KNCN: variants seen among roughly 807,000 people sequenced by gnomAD.
KNCN encodes the protein kinocilin.
KNCN carries 11 observed loss-of-function variants against 10.4 expected under a neutral mutation model. The observed-to-expected ratio is 1.06, with a 90% CI of 0.67 to 1.75. The LOEUF (loss-of-function observed/expected upper bound fraction) is 1.75, where lower values mean the gene tolerates loss of function less well. Ranked by LOEUF, KNCN falls within the 40% of genes most tolerant of loss-of-function variation. The pLI is 0.00. For synonymous variants in KNCN, 67 were observed against 71.6 expected, an observed-to-expected ratio of 0.94 and a Z score of 0.33; for missense variants, 172 against 167.1, an observed-to-expected ratio of 1.03 and a Z score of -0.16.
intron 3 of KNCN, 34 bp from the exon 4 acceptor site, chr1:46,547,843 G>A (rs896399400): frequency 3.7e-5 from 52 of 1,405,760 alleles, no homozygotes; most frequent in Non-Finnish European, 4.4e-5. Context: ...GACTGCCTCC[G>A]TAGACAGGTC....
chr1:46,550,513 C>T (rs1417855275), intron 1 of KNCN, among the ~76,000 whole-genome samples: 1 of 147,562 alleles, frequency 6.8e-6, no homozygotes, highest in South Asian at 2.3e-4. Context: ...TCTGGTCCTG[C>T]CTTTGGCCTG....
At chr1:46,549,458 G>A (rs1217159339) in intron 2 of KNCN, among the ~76,000 whole-genome samples, 191 bp from the exon 3 acceptor site, 1 of 152,142 alleles carries the variant, frequency 6.6e-6, no homozygotes, top group Non-Finnish European at 1.5e-5. Flanking sequence ...GCCCTTGAAG[G>A]AGAAAATGGC....
rs141637893 is a variant in KNCN, at chr1:46,545,923, T to C, written c.*1807A>G. On this transcript the variant is annotated 3_prime_UTR_variant, in exon 4 of 4. Transcript: ENST00000481882. ...GAGGAGGGACCAGCAGCCTGAGATATTGTTGATGATAATGAAGGAAAGGAG... is the reference window on the plus strand; with the variant it reads ...GAGGAGGGACCAGCAGCCTGAGATACTGTTGATGATAATGAAGGAAAGGAG... The C allele has an allele frequency of 1.3e-5, 2 of 152,284 alleles. No individual in the cohort carries two copies. Among genetic ancestry groups the C allele is most frequent in the Non-Finnish European group, 2.9e-5 (2 of 68,076 alleles). The allele number at this position is 152,284 out of a possible 1,614,324, so 9.4% of individuals were successfully genotyped here. A position where few individuals can be genotyped will look rare whatever the true frequency, so the allele number is the denominator to read the frequency against.
At position 46,551,221 on chromosome 1, in the gene KNCN, C is replaced by G; in HGVS notation, c.-6G>C. The G allele has an allele frequency of 6.2e-7, 1 of 1,604,178 alleles. No individual in the cohort carries two copies. The highest frequency in any genetic ancestry group is 8.5e-7 in the Non-Finnish European group (1 of 1,175,980). On this transcript the variant is annotated 5_prime_UTR_variant, in exon 1 of 4. Transcript: ENST00000481882. This position sits in a 1 kb window ranked among gnomAD's most constrained non-coding sequence, Gnocchi z 4.0. ...CTGCTGATGGGGATGTCCATGCAGG[C>G]CCACCCGGGGCACTGCCTCCAGCCG...
Position 46,551,197 on chromosome 1 carries a change from T to C in KNCN, c.19A>G (p.Ser7Gly), listed in dbSNP as rs769573450. 6.2e-7 allele frequency: 1 copy of C among 1,609,506 alleles called. No individual in the cohort carries two copies. Among genetic ancestry groups the C allele is most frequent in the East Asian group, 2.3e-5 (1 of 44,374 alleles). Residue 7 changes from serine (S) to glycine (G), a missense_variant, in exon 1 of 4, where the codon AGC becomes GGC. Transcript: ENST00000481882. The surrounding 1 kb of genome is among the most constrained non-coding windows in gnomAD (Gnocchi z 4.0). The part of the protein sequence containing the change: MDIPIS[S>G]RDFRGLQLAC... ...AGCTGCAGGCCGCGGAAGTCTCTGCTGCTGATGGGGATGTCCATGCAGGCC... is the reference window on the plus strand; with the variant it reads ...AGCTGCAGGCCGCGGAAGTCTCTGCCGCTGATGGGGATGTCCATGCAGGCC...
At chr1:46,548,601 G>A (rs781285136) in intron 3 of KNCN, among the ~76,000 whole-genome samples, 9 of 152,168 alleles carry the variant, frequency 5.9e-5, no homozygotes, top group Non-Finnish European at 1.2e-4. Flanking sequence ...ATAGGACCTG[G>A]GGGAGGGGAA....
Position 46,551,024 on chromosome 1 carries a change from C to G in KNCN, c.151+41G>C. ...CCTGACGATGCCCCTGCCCCCACCT[C>G]CAGAATCTCCCTTCCCTATCCCAGC... On this transcript the variant is annotated intron_variant, in intron 1 of 3. Coordinates refer to ENST00000481882, the MANE Select transcript of KNCN (RefSeq NM_001322255.2). The surrounding 1 kb of genome is among the most constrained non-coding windows in gnomAD (Gnocchi z 4.0). The G allele has an allele frequency of 2.6e-6, 4 of 1,531,162 alleles. 1 individual carries two copies. The highest frequency in any genetic ancestry group is 3.5e-6 in the Non-Finnish European group (4 of 1,136,092). 94.8% of individuals were successfully genotyped at this position (1,531,162 alleles called of 1,614,324 possible).
At chr1:46,549,374 G>T in intron 2 of KNCN, 107 bp from the exon 3 acceptor site, 1 of 741,556 alleles carries the variant, frequency 1.3e-6, no homozygotes, top group Non-Finnish European at 2.2e-6. Flanking sequence ...CATCCCTGAT[G>T]CTGTCTTTGC....
intron 3 of KNCN, 130 bp from the exon 4 acceptor site, chr1:46,547,939 T>C: frequency 1.7e-6 from 1 of 597,552 alleles, no homozygotes; most frequent in Non-Finnish European, 2.9e-6. Context: ...TGGGATAGAA[T>C]GGGGAGAGGG....
chr1:46,550,185 TGGG>T (rs1667036006), intron 1 of KNCN, among the ~76,000 whole-genome samples, 183 bp from the exon 2 acceptor site: 1 of 152,014 alleles, frequency 6.6e-6, no homozygotes, highest in Admixed American at 6.5e-5. Flanking sequence ...TCTGGGTTGG[TGGG>T]GGCAGTGCCT....
At chr1:46,550,694 CAG>C (rs1177724107) in intron 1 of KNCN, among the ~76,000 whole-genome samples, 5 of 152,150 alleles carry the variant, frequency 3.3e-5, no homozygotes, top group South Asian at 2.1e-4. Flanking sequence ...TGTCTTGGCT[CAG>C]AGAGTCCTCA....
intron 1 of KNCN, 56 bp from the exon 2 acceptor site, chr1:46,550,058 C>T (rs1667033886): frequency 6.5e-7 from 1 of 1,549,670 alleles, no homozygotes; most frequent in African/African-American, 1.4e-5. Context: ...AGTGTTGAGG[C>T]TGTGGGTGGG....
chr1:46,548,679 C>T (rs908446777), intron 3 of KNCN, among the ~76,000 whole-genome samples: 1 of 152,152 alleles, frequency 6.6e-6, no homozygotes, highest in Non-Finnish European at 1.5e-5. Flanking sequence ...GACAGAAGCC[C>T]TCAGAGTAAG....
rs755766815 is a variant in KNCN, at chr1:46,551,261, C to T, written c.-46G>A. The T allele has an allele frequency of 1.3e-6, 2 of 1,565,802 alleles. No individual in the cohort carries two copies. Among genetic ancestry groups the T allele is most frequent in the Non-Finnish European group, 1.7e-6 (2 of 1,162,646 alleles). ...GCCTCCAGCCGGTGCAGTCTGGCCC[C>T]AGAAAAGTCCTGGAAGTTTCTGGGC... On this transcript the variant is annotated 5_prime_UTR_variant, in exon 1 of 4. Transcript: ENST00000481882. This position sits in a 1 kb window ranked among gnomAD's most constrained non-coding sequence, Gnocchi z 4.0.
intron 2 of KNCN, chr1:46,549,715 A>G: frequency 1.3e-6 from 1 of 743,958 alleles, no homozygotes; most frequent in Non-Finnish European, 2.2e-6. Context: ...CCCAGCTCTG[A>G]GCTGGTTCAG....
intron 2 of KNCN, among the ~76,000 whole-genome samples, 180 bp from the exon 3 acceptor site, chr1:46,549,447 G>C (rs1667021422): frequency 6.6e-6 from 1 of 152,120 alleles, no homozygotes; most frequent in South Asian, 2.1e-4. Context: ...AAAAGAACTG[G>C]GCCCTTGAAG....
At chr1:46,547,979 T>C (rs1449368614) in intron 3 of KNCN, among the ~76,000 whole-genome samples, 170 bp from the exon 4 acceptor site, 4 of 151,888 alleles carry the variant, frequency 2.6e-5, no homozygotes. Context: ...TTCAGCCCAG[T>C]TTAAAGAGGT....
rs1417846634 is a variant in KNCN at position 46,547,123 on chromosome 1, TG to T, written c.*606del. 1.8e-5 allele frequency: 6 copies of T among 333,062 alleles called. No individual in the cohort carries two copies. The East Asian group carries it at 3.9e-4, about 22-fold the overall frequency. The allele number at this position is 333,062 out of a possible 1,614,324, so 20.6% of individuals were successfully genotyped here. Reference sequence around the variant, plus strand: ...CCTCTGACCCCCAGGCGAAGTTGTTTGTACCTGTCCCTTTGTGAGCCCCCCA... The same window carrying T: ...CCTCTGACCCCCAGGCGAAGTTGTTTTACCTGTCCCTTTGTGAGCCCCCCA... On this transcript the variant is annotated 3_prime_UTR_variant, in exon 4 of 4. Coordinates refer to ENST00000481882, the MANE Select transcript of KNCN (RefSeq NM_001322255.2).
intron 1 of KNCN, 146 bp downstream of exon 1, chr1:46,550,919 T>C: frequency 4.2e-6 from 3 of 722,002 alleles, no homozygotes; most frequent in Non-Finnish European, 4.4e-6. Context: ...GTGCCCCTGA[T>C]GGCGGCCTTG....
Sources: allele counts gnomAD v4.1 joint callset (sites outside exome capture counted in the v4.1 genomes callset), GRCh38; gene constraint gnomAD v4.1.1; non-coding constraint Gnocchi (gnomAD v3.1); transcripts MANE v1.5; gene names NCBI Gene and HGNC (gene_info 2026-07-23, HGNC 2026-07-21).